The following ARHGAP15 variants were observed in gnomAD, a reference collection of about 807,000 sequenced individuals.
ARHGAP15 encodes Rho GTPase activating protein 15, also known as rho GTPase-activating protein 15.
A neutral mutation model predicts 63.7 loss-of-function variants in ARHGAP15; 51 were observed. That is an observed-to-expected ratio of 0.80 (90% CI 0.64 to 1.01). ARHGAP15 has a LOEUF of 1.01. Among genes scored for constraint, ARHGAP15 ranks in the 50% least tolerant of loss-of-function variants. ARHGAP15 has a pLI of 0.00. For synonymous variants in ARHGAP15, 191 were observed against 193.8 expected (o/e 0.99, Z 0.12); for missense variants, 560 against 564.6 (o/e 0.99, Z 0.08).
intron 6 of ARHGAP15, among the ~76,000 whole-genome samples, chr2:143,286,249 C>T (rs113653883): frequency 1.3e-5 from 2 of 152,134 alleles, no homozygotes; most frequent in African/African-American, 4.8e-5. Flanking sequence ...CATCACACAA[C>T]CAGAAATAAA....
At chr2:143,396,758 G>A (rs183782614) in intron 6 of ARHGAP15, among the ~76,000 whole-genome samples, 1 of 152,018 alleles carries the variant, frequency 6.6e-6, no homozygotes, top group Admixed American at 6.6e-5. Flanking sequence ...GGTCCAAATG[G>A]CTCAAGCATA....
intron 12 of ARHGAP15, among the ~76,000 whole-genome samples, chr2:143,679,616 G>C (rs1450990832): frequency 1.3e-5 from 2 of 151,348 alleles, no homozygotes; most frequent in Non-Finnish European, 2.9e-5. Flanking sequence ...CTTTTTTATA[G>C]ATGTTGTTTA....
At chr2:143,763,334 T>C (rs1165445394) in intron 13 of ARHGAP15, among the ~76,000 whole-genome samples, 1 of 152,174 alleles carries the variant, frequency 6.6e-6, no homozygotes, top group Non-Finnish European at 1.5e-5. Flanking sequence ...AGCTTCCATT[T>C]GAATCATGAC....
At chr2:143,312,563 C>CT (rs1308689031) in intron 6 of ARHGAP15, among the ~76,000 whole-genome samples, 2 of 151,978 alleles carry the variant, frequency 1.3e-5, no homozygotes, top group African/African-American at 2.4e-5. Flanking sequence ...GGCCTTTAAA[C>CT]TTTTTTTATA....
At chr2:143,555,930 CAG>C (rs58188260) in intron 10 of ARHGAP15, among the ~76,000 whole-genome samples, 2 of 115,954 alleles carry the variant, frequency 1.7e-5, no homozygotes, top group African/African-American at 6.0e-5. Flanking sequence ...TAGAATAGAA[CAG>C]AGTAGAAATG....
chr2:143,581,509 C>G (rs976716525), intron 11 of ARHGAP15, among the ~76,000 whole-genome samples: 2 of 152,166 alleles, frequency 1.3e-5, no homozygotes, highest in South Asian at 2.1e-4. Flanking sequence ...CTCTCCTTCT[C>G]TCCTCTGGTT....
intron 10 of ARHGAP15, among the ~76,000 whole-genome samples, chr2:143,532,091 C>T (rs972509060): frequency 6.6e-6 from 1 of 152,198 alleles, no homozygotes; most frequent in Non-Finnish European, 1.5e-5. Context: ...AAGATGGCAT[C>T]ACCAAGGGAT....
At chr2:143,139,255 T>C (rs1385923682) in intron 1 of ARHGAP15, among the ~76,000 whole-genome samples, 7 of 152,166 alleles carry the variant, frequency 4.6e-5, no homozygotes, top group Non-Finnish European at 1.0e-4. Flanking sequence ...TCTCTACTCC[T>C]GAAGTCATAT....
chr2:143,627,599 A>G (rs547121236), intron 12 of ARHGAP15, among the ~76,000 whole-genome samples: 75 of 152,244 alleles, frequency 4.9e-4, no homozygotes, highest in Non-Finnish European at 6.6e-4. Context: ...AGCCTCTTGT[A>G]AAAATCTATG....
At chr2:143,651,129 A>T (rs951617906) in intron 12 of ARHGAP15, among the ~76,000 whole-genome samples, 1 of 152,008 alleles carries the variant, frequency 6.6e-6, no homozygotes, top group Non-Finnish European at 1.5e-5. Flanking sequence ...ATCAGGGAGC[A>T]TTTAAATTTG....
chr2:143,161,018 A>T lies in ARHGAP15; in HGVS notation c.165+5363A>T, dbSNP rs916922419. Among the ~76,000 whole-genome samples the T allele has an allele frequency of 5.0e-4, 76 of 151,974 alleles. 1 individual carries two copies. The highest frequency in any genetic ancestry group is 4.6e-4 in the Admixed American group (7 of 15,242). ...GAATGTACATGAGATACATTTTTTT[A>T]AAAGTTAGTCCTCTGATTACTAATT... On this transcript the variant is annotated intron_variant, in intron 2 of 13. Transcript: ENST00000295095.
At chr2:143,209,518 G>T (rs772641418) in intron 3 of ARHGAP15, among the ~76,000 whole-genome samples, 8 of 151,466 alleles carry the variant, frequency 5.3e-5, no homozygotes, top group African/African-American at 1.7e-4. Context: ...ATAAAGGAAG[G>T]CATAATTCTA....
chr2:143,616,445 A>G (rs183130504), intron 11 of ARHGAP15, among the ~76,000 whole-genome samples: 75 of 152,334 alleles, frequency 4.9e-4, no homozygotes, highest in African/African-American at 1.8e-3. Flanking sequence ...ATTTCATATG[A>G]GCCTGTGACA....
At chr2:143,679,019 A>G (rs1279801976) in intron 12 of ARHGAP15, among the ~76,000 whole-genome samples, 2 of 152,208 alleles carry the variant, frequency 1.3e-5, no homozygotes, top group African/African-American at 2.4e-5. Context: ...TACTTTAAGA[A>G]ACACTGCTTT....
At position 143,317,860 on chromosome 2, in the gene ARHGAP15, A is replaced by T. The variant is rs1307425742; in HGVS notation, c.474+67260A>T. On this transcript the variant is annotated intron_variant, in intron 6 of 13. Coordinates refer to ENST00000295095, the MANE Select transcript of ARHGAP15 (RefSeq NM_018460.4). ...GCCTGGGTGAAAGTGTAGTATTAGGAATTTAAAGTATTAAGTGAATTAATA... is the reference window on the plus strand; with the variant it reads ...GCCTGGGTGAAAGTGTAGTATTAGGTATTTAAAGTATTAAGTGAATTAATA... 2.0e-5 allele frequency among the ~76,000 whole-genome samples: 3 copies of T among 152,204 alleles called. No individual in the cohort carries two copies. In the East Asian group the frequency reaches 5.8e-4, roughly 29 times the overall value.
At chr2:143,368,494 T>C (rs1001098048) in intron 6 of ARHGAP15, among the ~76,000 whole-genome samples, 1 of 152,022 alleles carries the variant, frequency 6.6e-6, no homozygotes, top group Non-Finnish European at 1.5e-5. Context: ...GTGGGAGTCA[T>C]TGGAGAGTTT....
chr2:143,412,339 C>G (rs571987905), intron 6 of ARHGAP15, among the ~76,000 whole-genome samples: 1 of 145,788 alleles, frequency 6.9e-6, no homozygotes, highest in South Asian at 2.3e-4. Flanking sequence ...TCTGGTTGGA[C>G]TTTTCAAATA....
At chr2:143,253,437 C>A (rs1393379433) in intron 6 of ARHGAP15, among the ~76,000 whole-genome samples, 3 of 151,996 alleles carry the variant, frequency 2.0e-5, no homozygotes. Context: ...GTACTGAAAT[C>A]CAAATTTTCC....
chr2:143,606,166 G>A (rs1183456550), intron 11 of ARHGAP15, among the ~76,000 whole-genome samples: 1 of 150,012 alleles, frequency 6.7e-6, no homozygotes, highest in Non-Finnish European at 1.5e-5. Context: ...CTTAACACAG[G>A]TATTGTTTAC....
Sources: allele counts gnomAD v4.1 joint callset (sites outside exome capture counted in the v4.1 genomes callset), GRCh38; gene constraint gnomAD v4.1.1; transcripts MANE v1.5; gene names NCBI Gene and HGNC (gene_info 2026-07-23, HGNC 2026-07-21).